MACROD2: variants seen among roughly 807,000 people sequenced by gnomAD.
MACROD2 encodes ADP-ribose glycohydrolase MACROD2.
In MACROD2, 36 loss-of-function variants were observed where a neutral mutation model predicts 70.4. The observed-to-expected ratio is 0.51, with a 90% CI of 0.39 to 0.68. The LOEUF (loss-of-function observed/expected upper bound fraction) is 0.68, where lower values mean the gene tolerates loss of function less well. Ranked by LOEUF, MACROD2 falls within the 30% of genes least tolerant of loss-of-function variation. The pLI, the probability that MACROD2 is intolerant of heterozygous loss-of-function variation, is 0.00. For missense variants in MACROD2, 496 were observed against 538.4 expected (o/e 0.92, Z 0.78); for synonymous variants, 172 against 178.8 (o/e 0.96, Z 0.30).
intron 3 of MACROD2, among the ~76,000 whole-genome samples, chr20:14,220,787 T>C (rs1234889189): frequency 1.3e-5 from 2 of 152,146 alleles, no homozygotes; most frequent in African/African-American, 4.8e-5. Context: ...CAAACAGACC[T>C]TCGGCTTCTC....
At chr20:15,241,732 T>TA (rs986774831) in intron 6 of MACROD2, among the ~76,000 whole-genome samples, 53 of 77,864 alleles carry the variant, frequency 6.8e-4, no homozygotes, top group African/African-American at 2.3e-3. Context: ...TTTTTCAATG[T>TA]AAAAAAATAG....
chr20:14,642,578 C>T (rs1271192283), intron 4 of MACROD2, among the ~76,000 whole-genome samples: 2 of 152,008 alleles, frequency 1.3e-5, no homozygotes, highest in Admixed American at 1.3e-4. Context: ...AACTAGAGGC[C>T]ATTATATAGT....
chr20:15,269,239 C>G (rs935309719), intron 6 of MACROD2, among the ~76,000 whole-genome samples: 13 of 152,228 alleles, frequency 8.5e-5, no homozygotes, highest in Non-Finnish European at 1.8e-4. Flanking sequence ...CTTCCTCATG[C>G]AGATGATATG....
At chr20:14,767,996 C>T (rs1417235482) in intron 5 of MACROD2, among the ~76,000 whole-genome samples, 2 of 152,038 alleles carry the variant, frequency 1.3e-5, no homozygotes, top group African/African-American at 4.8e-5. Flanking sequence ...GCATAGTATT[C>T]CATGGTGTAT....
chr20:14,283,052 C>T (rs1176781118), intron 3 of MACROD2, among the ~76,000 whole-genome samples: 1 of 152,190 alleles, frequency 6.6e-6, no homozygotes, highest in East Asian at 1.9e-4. Context: ...TAGAAATAGA[C>T]CCTGCTTCTT....
chr20:14,001,829 A>G (rs1420697789), intron 1 of MACROD2, among the ~76,000 whole-genome samples: 1 of 152,162 alleles, frequency 6.6e-6, no homozygotes, highest in East Asian at 1.9e-4. Flanking sequence ...ACTTTCAAAC[A>G]ACCAGATCTC....
At chr20:14,750,940 T>C (rs1419077825) in intron 5 of MACROD2, among the ~76,000 whole-genome samples, 1 of 152,124 alleles carries the variant, frequency 6.6e-6, no homozygotes, top group Non-Finnish European at 1.5e-5. Context: ...TTTAGCATTC[T>C]ATACTAGATC....
At position 14,133,462 on chromosome 20, in the gene MACROD2, C is replaced by T. The variant is rs529664880; in HGVS notation, c.271+47734C>T. Reference sequence around the variant, plus strand: ...TAGAGGTAAAGTAGGTAAAGGTGCTCACCTCCTGTAACTTATATTCCAGTG... The same window carrying T: ...TAGAGGTAAAGTAGGTAAAGGTGCTTACCTCCTGTAACTTATATTCCAGTG... On this transcript the variant is annotated intron_variant, in intron 3 of 17. Coordinates refer to ENST00000684519, the MANE Select transcript of MACROD2 (RefSeq NM_001351661.2). Among the ~76,000 whole-genome samples, 87 of 152,252 alleles carry T rather than the reference C, an allele frequency of 5.7e-4. No individual in the cohort carries two copies. In the South Asian group the frequency reaches 7.3e-3, roughly 13 times the overall value.
At chr20:15,770,323 C>T (rs528337381) in intron 8 of MACROD2, among the ~76,000 whole-genome samples, 61 of 152,070 alleles carry the variant, frequency 4.0e-4, no homozygotes, top group African/African-American at 1.3e-3. Context: ...TATAGCCTTT[C>T]TAAGTCTAAG....
rs1178038562 is a variant in MACROD2, at chr20:14,194,285, A to G, written c.271+108557A>G. ...GGCAGAAACCATTACTACAACATGT[A>G]GCTGCCCTGAGTTCAGTTGCTTTTG... On this transcript the variant is annotated intron_variant, in intron 3 of 17. Transcript: ENST00000684519. 2.0e-5 allele frequency among the ~76,000 whole-genome samples: 3 copies of G among 152,214 alleles called. No individual in the cohort carries two copies. In the East Asian group the frequency reaches 5.8e-4, roughly 29 times the overall value.
chr20:14,516,069 T>A (rs1016846425), intron 4 of MACROD2, among the ~76,000 whole-genome samples: 1 of 148,746 alleles, frequency 6.7e-6, no homozygotes, highest in African/African-American at 2.4e-5. Context: ...TCATTATCTC[T>A]CAAATAAATA....
chr20:14,469,990 C>A (rs957548233), intron 3 of MACROD2, among the ~76,000 whole-genome samples: 3 of 152,010 alleles, frequency 2.0e-5, no homozygotes, highest in African/African-American at 7.2e-5. Flanking sequence ...AGTTGTAATC[C>A]TTTGGAGGAG....
chr20:16,024,323 T>A lies in MACROD2; in HGVS notation c.1154-16878T>A, dbSNP rs568263421. 7.2e-5 allele frequency among the ~76,000 whole-genome samples: 11 copies of A among 152,326 alleles called. No homozygotes were observed. In the East Asian group the frequency reaches 1.9e-3, roughly 27 times the overall value. The stretch of plus-strand genomic sequence containing the variant: ...CTTCAATCCAGATTAATAGCAATTG[T>A]AAGGCTATTGATCATTCTATTCATT... On this transcript the variant is annotated intron_variant, in intron 15 of 17. Coordinates refer to ENST00000684519, the MANE Select transcript of MACROD2 (RefSeq NM_001351661.2).
intron 5 of MACROD2, among the ~76,000 whole-genome samples, chr20:14,961,152 A>G (rs970836278): frequency 2.0e-5 from 3 of 152,220 alleles, no homozygotes; most frequent in Admixed American, 6.5e-5. Flanking sequence ...GTAGGCATGT[A>G]TGCAACATTG....
At chr20:14,097,085 A>C (rs1396711800) in intron 3 of MACROD2, among the ~76,000 whole-genome samples, 1 of 152,086 alleles carries the variant, frequency 6.6e-6, no homozygotes, top group Non-Finnish European at 1.5e-5. Flanking sequence ...CTATTTCCCA[A>C]AGCACTACTA....
rs148036703 is a variant in MACROD2 at position 14,957,786 on chromosome 20, G to A, written c.419-272154G>A. ...TGTATTTTAAATTGTTTTGTTTTTG[G>A]AGCATTGGATTTGTCATCTACTTAA... On this transcript the variant is annotated intron_variant, in intron 5 of 17. Transcript: ENST00000684519. 9.9e-5 allele frequency among the ~76,000 whole-genome samples: 15 copies of A among 152,210 alleles called. No homozygotes were observed. In the East Asian group the frequency reaches 2.9e-3, roughly 29 times the overall value.
At chr20:14,229,706 G>GT (rs2081781842) in intron 3 of MACROD2, among the ~76,000 whole-genome samples, 1 of 152,178 alleles carries the variant, frequency 6.6e-6, no homozygotes, top group Non-Finnish European at 1.5e-5. Flanking sequence ...CATGCTTCTA[G>GT]TATTTACCCT....
At chr20:15,393,634 G>C (rs1372355193) in intron 6 of MACROD2, among the ~76,000 whole-genome samples, 4 of 152,120 alleles carry the variant, frequency 2.6e-5, no homozygotes, top group African/African-American at 9.7e-5. Flanking sequence ...AATGTCCGCT[G>C]TTAGTTTAAT....
At chr20:15,303,694 A>G (rs1256015734) in intron 6 of MACROD2, among the ~76,000 whole-genome samples, 6 of 152,186 alleles carry the variant, frequency 3.9e-5, no homozygotes, top group Admixed American at 3.3e-4. Flanking sequence ...AGTTTCTTCT[A>G]TTACAGAGTA....
Sources: allele counts gnomAD v4.1 joint callset (sites outside exome capture counted in the v4.1 genomes callset), GRCh38; gene constraint gnomAD v4.1.1; transcripts MANE v1.5; gene names NCBI Gene and HGNC (gene_info 2026-07-23, HGNC 2026-07-21).